The following SLC29A4 variants were observed in gnomAD, a reference collection of about 807,000 sequenced individuals.
The protein encoded by SLC29A4 is solute carrier family 29 member 4.
Under a neutral mutation model 43.9 loss-of-function variants are expected in SLC29A4, and 36 were observed. The observed-to-expected ratio is 0.82, with a 90% CI of 0.63 to 1.08. The LOEUF is 1.08. Ranked by LOEUF, SLC29A4 falls within the 50% of genes least tolerant of loss-of-function variation. The pLI, the probability that SLC29A4 is intolerant of heterozygous loss-of-function variation, is 0.00. For synonymous variants in SLC29A4, 491 were observed against 338.0 expected (o/e 1.45, Z -4.97); for missense variants, 869 against 755.3 (o/e 1.15, Z -1.77).
At chr7:5,296,913 G>GGCCCACTGTGCACGCCCCCCA in intron 6 of SLC29A4, 23 bp from the exon 7 acceptor site, 1 of 1,570,230 alleles carries the variant, frequency 6.4e-7, no homozygotes, top group Non-Finnish European at 8.6e-7. Context: ...ATCAGGCCCC[G>GGCCCACTGTGCACGCCCCCCA]GCCCACTGTG....
chr7:5,286,230 G>GA (rs1268124631), intron 1 of SLC29A4, among the ~76,000 whole-genome samples: 4 of 152,072 alleles, frequency 2.6e-5, no homozygotes, highest in South Asian at 4.2e-4. Context: ...CACGTTATTA[G>GA]AAAAAAATCA....
intron 5 of SLC29A4, among the ~76,000 whole-genome samples, chr7:5,292,679 A>T (rs1432967742): frequency 1.7e-5 from 2 of 121,020 alleles, no homozygotes; most frequent in Non-Finnish European, 3.5e-5. Context: ...ACCAGCCAAG[A>T]CATTTTTTTC....
intron 1 of SLC29A4, among the ~76,000 whole-genome samples, chr7:5,285,230 C>T (rs1456940730): frequency 6.6e-6 from 1 of 152,226 alleles, no homozygotes; most frequent in Non-Finnish European, 1.5e-5. Flanking sequence ...AAGCCCAGCC[C>T]AGCTCTGCTC....
Position 5,299,098 on chromosome 7 carries a change from G to T in SLC29A4, c.993G>T (p.Arg331Ser). Reference protein sequence around the residue: ...AYMRFDVPRPRVQRSWPTFRA... With the variant: ...AYMRFDVPRPSVQRSWPTFRA... ...TGCGCTTTGATGTGCCGCGGCCAAG[G>T]GTCCAGCGCAGCTGGCCCACCTTCA... is the stretch of plus-strand genomic sequence containing the variant. Residue 331 changes from arginine to serine, a missense_variant, in exon 8 of 11, where the codon AGG becomes AGT. Arg to Ser is a moderately radical substitution (Grantham distance 110). Transcript: ENST00000396872. 12 of 1,610,524 alleles carry T rather than the reference G, an allele frequency of 7.5e-6. No individual in the cohort carries two copies. Among genetic ancestry groups the T allele is most frequent in the Non-Finnish European group, 1.0e-5 (12 of 1,179,260 alleles).
chr7:5,295,869 G>C (rs1333267367), intron 6 of SLC29A4, among the ~76,000 whole-genome samples: 1 of 152,136 alleles, frequency 6.6e-6, no homozygotes, highest in Non-Finnish European at 1.5e-5. Context: ...CTGATGTCGC[G>C]TGGTTTATGG....
intron 6 of SLC29A4, 131 bp downstream of exon 6, chr7:5,295,065 A>G: frequency 1.3e-6 from 1 of 786,404 alleles, no homozygotes; most frequent in East Asian, 2.8e-5. Context: ...AGACTGAGCT[A>G]GGGACAGTGA....
chr7:5,287,914 T>G lies in SLC29A4; in HGVS notation c.98T>G (p.Leu33Arg). 6.2e-7 allele frequency: 1 copy of G among 1,612,024 alleles called. No individual in the cohort carries two copies. Among genetic ancestry groups the G allele is most frequent in the Non-Finnish European group, 8.5e-7 (1 of 1,179,790 alleles). ...VMSFTFDSHQ[L>R]EEAAEAAQGQ... ...AGCTTCACCTTCGACAGTCACCAGC[T>G]GGAGGAGGCGGCGGAGGCGGCTCAG... The change falls in exon 2 of 11, where the codon CTG becomes CGG. Residue 33 changes from leucine (L) to arginine (R), a missense_variant. Coordinates refer to ENST00000396872, the MANE Select transcript of SLC29A4 (RefSeq NM_153247.4).
At chr7:5,298,292 G>A (rs1785858751) in intron 7 of SLC29A4, among the ~76,000 whole-genome samples, 1 of 152,292 alleles carries the variant, frequency 6.6e-6, no homozygotes, top group East Asian at 1.9e-4. Flanking sequence ...TTCCCTGAGG[G>A]GCTTTTGGGC....
Position 5,306,231 on chromosome 7 carries a change from C to A in SLC29A4, c.*3292C>A, listed in dbSNP as rs1231416857. 1 of 127,002 alleles carries A rather than the reference C, an allele frequency of 7.9e-6. No homozygotes were observed. The highest frequency in any genetic ancestry group is 1.6e-5 in the Non-Finnish European group (1 of 61,868). 7.9% of individuals were successfully genotyped at this position (127,002 alleles called of 1,614,324 possible). A position where few individuals can be genotyped will look rare whatever the true frequency, so the allele number is the denominator to read the frequency against. On this transcript the variant is annotated 3_prime_UTR_variant, in exon 11 of 11. Transcript: ENST00000396872. ...TTTTTTTTTTTGAGACAATCTCTGT[C>A]ACCCCCAGGCCAGAGTGCAGTGGTG... is the stretch of plus-strand genomic sequence containing the variant.
chr7:5,299,865 A>C (rs1786012114), intron 9 of SLC29A4, among the ~76,000 whole-genome samples: 1 of 152,234 alleles, frequency 6.6e-6, no homozygotes, highest in Non-Finnish European at 1.5e-5. Context: ...CAACCTTGCC[A>C]ACATGGTGAA....
intron 5 of SLC29A4, among the ~76,000 whole-genome samples, chr7:5,292,501 T>C (rs576638581): frequency 2.5e-4 from 38 of 152,108 alleles, no homozygotes; most frequent in African/African-American, 8.7e-4. Context: ...TGAAGTCCCA[T>C]ACGAGCACTC....
chr7:5,295,063 C>G (rs983211783), intron 6 of SLC29A4, 129 bp downstream of exon 6: 4 of 806,174 alleles, frequency 5.0e-6, no homozygotes, highest in Admixed American at 5.7e-5. Flanking sequence ...GCAGACTGAG[C>G]TAGGGACAGT....
chr7:5,290,836 GTGGACTACC>G lies in SLC29A4; in HGVS notation c.277_285del (p.Asp93_Leu95del), dbSNP rs769070421. 6.2e-7 allele frequency: 1 copy of G among 1,613,474 alleles called. No individual in the cohort carries two copies. The highest frequency in any genetic ancestry group is 2.2e-5 in the East Asian group (1 of 44,876). On this transcript the variant is annotated inframe_deletion, in exon 3 of 11. Coordinates refer to ENST00000396872, the MANE Select transcript of SLC29A4 (RefSeq NM_153247.4). ...GCCATACAACAGCTTCATCACGGACGTGGACTACCTGCATCACAAGTACCCAGGTGGGTC... is the reference window on the plus strand; with the variant it reads ...GCCATACAACAGCTTCATCACGGACGTGCATCACAAGTACCCAGGTGGGTC...
intron 1 of SLC29A4, among the ~76,000 whole-genome samples, chr7:5,283,989 G>C (rs1784807899): frequency 6.6e-6 from 1 of 151,704 alleles, no homozygotes; most frequent in Admixed American, 6.6e-5. Flanking sequence ...AATGGGAGGA[G>C]CCGGAGGGGG....
At chr7:5,285,377 C>T (rs1307316657) in intron 1 of SLC29A4, among the ~76,000 whole-genome samples, 1 of 152,128 alleles carries the variant, frequency 6.6e-6, no homozygotes, top group African/African-American at 2.4e-5. Context: ...TCTCAGCCCC[C>T]AGAAGTCCGG....
intron 5 of SLC29A4, among the ~76,000 whole-genome samples, chr7:5,293,855 C>G (rs1207544279): frequency 6.6e-6 from 1 of 152,092 alleles, no homozygotes; most frequent in African/African-American, 2.4e-5. Context: ...GCTTGTAATC[C>G]CAGCATTTTG....
intron 1 of SLC29A4, among the ~76,000 whole-genome samples, chr7:5,283,350 G>A (rs1351956752): frequency 7.1e-6 from 1 of 141,116 alleles, no homozygotes; most frequent in Non-Finnish European, 1.6e-5. Context: ...CACCGCGCGG[G>A]GGTCCTCCCG....
chr7:5,290,924 C>A, intron 3 of SLC29A4, 61 bp downstream of exon 3: 1 of 1,564,104 alleles, frequency 6.4e-7, no homozygotes, highest in East Asian at 2.3e-5. Context: ...CTGGGGCCTC[C>A]CAGAAACCCC....
rs1454897528 is a variant in SLC29A4 at position 5,305,426 on chromosome 7, C to T, written c.*2487C>T. On this transcript the variant is annotated 3_prime_UTR_variant, in exon 11 of 11. Coordinates refer to ENST00000396872, the MANE Select transcript of SLC29A4 (RefSeq NM_153247.4). Reference sequence around the variant, plus strand: ...TGGGCAGCCAGACCCCCACCTATAGCTTCCCTAGGCCCCAGTGCAGAGATG... The same window carrying T: ...TGGGCAGCCAGACCCCCACCTATAGTTTCCCTAGGCCCCAGTGCAGAGATG... 1.3e-5 allele frequency: 2 copies of T among 152,368 alleles called. No individual in the cohort carries two copies. The highest frequency in any genetic ancestry group is 3.8e-4 in the East Asian group (2 of 5,198). 9.4% of individuals were successfully genotyped at this position (152,368 alleles called of 1,614,324 possible).
Sources: gnomAD v4.1 joint callset for allele counts (sites outside exome capture counted in the v4.1 genomes callset) on GRCh38, gnomAD v4.1.1 for gene constraint, MANE v1.5 for transcripts, NCBI Gene and HGNC (gene_info 2026-07-23, HGNC 2026-07-21) for gene names.